HDLBP: variants seen among roughly 807,000 people sequenced by gnomAD.
HDLBP encodes the protein high density lipoprotein binding protein.
Under a neutral mutation model 137.3 loss-of-function variants are expected in HDLBP, and 30 were observed. The observed-to-expected ratio is 0.22, with a 90% confidence interval of 0.16 to 0.30. The LOEUF (loss-of-function observed/expected upper bound fraction) is 0.30. HDLBP is among the 10% of genes least tolerant of loss of function. The pLI is 1.00. For missense variants in HDLBP, 1,119 were observed against 1,667.3 expected, an observed-to-expected ratio of 0.67 and a Z score of 5.73; for synonymous variants, 606 against 596.0, an observed-to-expected ratio of 1.02 and a Z score of -0.24.
intron 3 of HDLBP, among the ~76,000 whole-genome samples, 194 bp from the exon 4 acceptor site, chr2:241,264,799 A>T (rs1252106309): frequency 6.6e-6 from 1 of 152,090 alleles, no homozygotes; most frequent in Non-Finnish European, 1.5e-5. Flanking sequence ...CAGCACCCTG[A>T]GTGTGAGAGC....
At chr2:241,314,570 A>T (rs538258391) in intron 1 of HDLBP, among the ~76,000 whole-genome samples, 1 of 152,296 alleles carries the variant, frequency 6.6e-6, no homozygotes, top group South Asian at 2.1e-4. Flanking sequence ...ACTCATCCAC[A>T]TTCCTTCAGC....
intron 1 of HDLBP, among the ~76,000 whole-genome samples, chr2:241,281,520 C>CA (rs2074603818): frequency 1.3e-5 from 2 of 151,490 alleles, no homozygotes; most frequent in African/African-American, 4.9e-5. Flanking sequence ...GACCCTGTCT[C>CA]AAAAAAATAA....
At position 241,264,317 on chromosome 2, in the gene HDLBP, G is replaced by A. The variant is rs1169579207; in HGVS notation, c.234+131C>T. On this transcript the variant is annotated intron_variant, in intron 4 of 27. Coordinates refer to ENST00000310931, the MANE Select transcript of HDLBP (RefSeq NM_005336.6). ...GCGGAGCGTGCAGTGAGCCGAGATC[G>A]CACCACTGCACTCCAGCCTGGGCGA... is the stretch of plus-strand genomic sequence containing the variant. 3.7e-5 allele frequency: 21 copies of A among 563,782 alleles called. 1 individual carries two copies. The South Asian group carries it at 4.3e-4, about 12-fold the overall frequency. 34.9% of individuals were successfully genotyped at this position (563,782 alleles called of 1,614,324 possible). A position where few individuals can be genotyped will look rare whatever the true frequency, so the allele number is the denominator to read the frequency against.
At chr2:241,261,390 A>G (rs2149513576) in intron 5 of HDLBP, among the ~76,000 whole-genome samples, 1 of 152,342 alleles carries the variant, frequency 6.6e-6, no homozygotes, top group South Asian at 2.1e-4. Flanking sequence ...TTAAGAAACC[A>G]CTATCAATAT....
In HDLBP at chr2:241,236,707, T is replaced by G. The variant is rs767776112; in HGVS notation, c.2812A>C (p.Lys938Gln). The change falls in exon 21 of 28, where the codon AAA (lysine) becomes CAA (glutamine). Residue 938 changes from lysine to glutamine, a missense_variant. Physicochemically the swap from Lys to Gln is moderately conservative, Grantham distance 53 (BLOSUM62 1). Transcript: ENST00000310931. ...CTTGGAGAGCCGGGGTCACAATCTT[T>G]AGCCTCTCTCCCCTCCCCAGCTTCG... ...GDEAGEGREA[K>Q]DCDPGSPRRC... is the part of the protein sequence containing the mutation. The G allele has an allele frequency of 6.2e-7, 1 of 1,614,094 alleles. No homozygotes were observed. Among genetic ancestry groups the G allele is most frequent in the African/African-American group, 1.3e-5 (1 of 75,036 alleles).
intron 1 of HDLBP, among the ~76,000 whole-genome samples, chr2:241,278,577 C>G (rs896146769): frequency 6.9e-6 from 1 of 144,144 alleles, no homozygotes; most frequent in African/African-American, 2.5e-5. Context: ...AGCAAGACTC[C>G]ATCTCCAAAA....
At chr2:241,292,148 C>A (rs996921180) in intron 1 of HDLBP, among the ~76,000 whole-genome samples, 1 of 152,194 alleles carries the variant, frequency 6.6e-6, no homozygotes, top group Non-Finnish European at 1.5e-5. Context: ...ACGTGCAACA[C>A]AGAGCACAGT....
chr2:241,244,837 T>C (rs1472484952), intron 16 of HDLBP, among the ~76,000 whole-genome samples: 1 of 152,196 alleles, frequency 6.6e-6, no homozygotes, highest in Non-Finnish European at 1.5e-5. Context: ...ATAATGTAAA[T>C]GGTGGACTGA....
chr2:241,261,436 T>C (rs754119785), intron 5 of HDLBP, among the ~76,000 whole-genome samples: 1 of 152,180 alleles, frequency 6.6e-6, no homozygotes, highest in South Asian at 2.1e-4. Flanking sequence ...ACTATATATA[T>C]GTATACATGA....
At chr2:241,261,944 G>A (rs1026335154) in intron 5 of HDLBP, among the ~76,000 whole-genome samples, 3 of 152,184 alleles carry the variant, frequency 2.0e-5, no homozygotes, top group Non-Finnish European at 2.9e-5. Flanking sequence ...GTAGCAGATG[G>A]GAAGAACCCC....
At chr2:241,262,670 G>T in intron 5 of HDLBP, 41 bp downstream of exon 5, 1 of 1,474,948 alleles carries the variant, frequency 6.8e-7, no homozygotes, top group Non-Finnish European at 9.5e-7. Flanking sequence ...AATGGAACGG[G>T]TACACAGTCA....
At chr2:241,314,675 G>A (rs1291404433) in intron 1 of HDLBP, among the ~76,000 whole-genome samples, 1 of 152,186 alleles carries the variant, frequency 6.6e-6, no homozygotes, top group Non-Finnish European at 1.5e-5. Flanking sequence ...TGTCAAGTCT[G>A]ACCCTCTCAT....
At chr2:241,292,835 G>A (rs938535255) in intron 1 of HDLBP, among the ~76,000 whole-genome samples, 22 of 152,100 alleles carry the variant, frequency 1.4e-4, no homozygotes, top group African/African-American at 5.1e-4. Flanking sequence ...AGAAACCTGG[G>A]CAATATAGTG....
intron 3 of HDLBP, among the ~76,000 whole-genome samples, chr2:241,266,071 A>C (rs2073651508): frequency 6.6e-6 from 1 of 152,262 alleles, no homozygotes; most frequent in African/African-American, 2.4e-5. Flanking sequence ...GGAGTAGAAC[A>C]ATCTGCTCTT....
intron 1 of HDLBP, among the ~76,000 whole-genome samples, chr2:241,294,165 A>G (rs2149666455): frequency 6.6e-6 from 1 of 152,248 alleles, no homozygotes; most frequent in African/African-American, 2.4e-5. Context: ...TCTTTGTCTC[A>G]CGGGTGCCAC....
At chr2:241,279,321 T>C (rs1020989618) in intron 1 of HDLBP, among the ~76,000 whole-genome samples, 6 of 152,340 alleles carry the variant, frequency 3.9e-5, no homozygotes, top group Admixed American at 2.6e-4. Flanking sequence ...TAATGTTGCA[T>C]TGCAAACACT....
chr2:241,272,202 C>T lies in HDLBP; in HGVS notation c.-102-3661G>A, dbSNP rs1470276561. 1 of 984,398 alleles carries T rather than the reference C, an allele frequency of 1.0e-6. No homozygotes were observed. Among genetic ancestry groups the T allele is most frequent in the African/African-American group, 1.7e-5 (1 of 57,212 alleles). The allele number at this position is 984,398 out of a possible 1,614,324, so 61.0% of individuals were successfully genotyped here. A position where few individuals can be genotyped will look rare whatever the true frequency, so the allele number is the denominator to read the frequency against. Reference sequence around the variant, plus strand: ...GGGCCCCGCGCGGCAGGTGGAGGTGCTGCGGGGGCCCCGCCGCCCGGTCTG... The same window carrying T: ...GGGCCCCGCGCGGCAGGTGGAGGTGTTGCGGGGGCCCCGCCGCCCGGTCTG... On this transcript the variant is annotated intron_variant, in intron 1 of 27. Coordinates refer to ENST00000310931, the MANE Select transcript of HDLBP (RefSeq NM_005336.6). The surrounding 1 kb of genome is among the most constrained non-coding windows in gnomAD (Gnocchi z 5.6).
Position 241,272,268 on chromosome 2 carries a change from C to T in HDLBP, c.-102-3727G>A, listed in dbSNP as rs867024135. On this transcript the variant is annotated intron_variant, in intron 1 of 27. Transcript: ENST00000310931. This position sits in a 1 kb window ranked among gnomAD's most constrained non-coding sequence, Gnocchi z 5.6. The stretch of plus-strand genomic sequence containing the variant: ...CCCGCCGCCACCTGGGGGGAAGGAC[C>T]CCGCTGGCCTCCCAGGGACCCCCAC... 7.4e-4 allele frequency: 718 copies of T among 975,628 alleles called. 2 individuals are homozygous for T. The highest frequency in any genetic ancestry group is 5.3e-3 in the Middle Eastern group (10 of 1,898). The allele number at this position is 975,628 out of a possible 1,614,324, so 60.4% of individuals were successfully genotyped here.
chr2:241,288,944 A>AT (rs2074921287), intron 1 of HDLBP, among the ~76,000 whole-genome samples: 1 of 152,224 alleles, frequency 6.6e-6, no homozygotes, highest in Admixed American at 6.5e-5. Flanking sequence ...CAGGGCAACA[A>AT]TTTACACTTG....
Sources: gnomAD v4.1 joint callset for allele counts (sites outside exome capture counted in the v4.1 genomes callset) on GRCh38, gnomAD v4.1.1 for gene constraint, Gnocchi (gnomAD v3.1) non-coding constraint, MANE v1.5 for transcripts, NCBI Gene and HGNC (gene_info 2026-07-23, HGNC 2026-07-21) for gene names.